The following CA10 variants were observed in gnomAD, a reference collection of about 807,000 sequenced individuals.
CA10 encodes the protein carbonic anhydrase 10 (inactive).
Under a neutral mutation model 44.2 loss-of-function variants are expected in CA10, and 14 were observed. The ratio of observed to expected loss-of-function variants is 0.32; its 90% CI spans 0.21 to 0.50. The LOEUF is 0.50. Among genes scored for constraint, CA10 ranks in the 20% least tolerant of loss-of-function variants. CA10 has a pLI of 0.99. For synonymous variants in CA10, 159 were observed against 141.6 expected (o/e 1.12, Z -0.87); for missense variants, 350 against 409.7 (o/e 0.85, Z 1.26).
chr17:51,845,335 G>A (rs1452046360), intron 3 of CA10, among the ~76,000 whole-genome samples: 1 of 152,176 alleles, frequency 6.6e-6, no homozygotes, highest in Non-Finnish European at 1.5e-5. Context: ...TCCAGTGGAA[G>A]TTGGCTGTCA....
intron 3 of CA10, among the ~76,000 whole-genome samples, chr17:51,811,952 A>G (rs1434819138): frequency 6.6e-6 from 1 of 152,166 alleles, no homozygotes; most frequent in Non-Finnish European, 1.5e-5. Flanking sequence ...AAGTATCTAA[A>G]TCTGAATCCT....
chr17:52,085,939 C>T lies in CA10; in HGVS notation c.62-13546G>A, dbSNP rs182156572. The stretch of plus-strand genomic sequence containing the variant: ...CAAACACTACCTTCTAAAAACCTTC[C>T]GTGGTTTCTCCAGATAAAAGAAAGC... On this transcript the variant is annotated intron_variant, in intron 1 of 8. Transcript: ENST00000451037. 4.0e-3 allele frequency among the ~76,000 whole-genome samples: 604 copies of T among 152,216 alleles called. 2 individuals are homozygous for T. The highest frequency in any genetic ancestry group is 0.014 in the African/African-American group (571 of 41,550).
At chr17:51,683,766 A>C (rs929455298) in intron 4 of CA10, among the ~76,000 whole-genome samples, 4 of 152,182 alleles carry the variant, frequency 2.6e-5, no homozygotes, top group Non-Finnish European at 5.9e-5. Flanking sequence ...AGGCATGTGC[A>C]CATGTGTTCT....
At chr17:52,011,569 A>G (rs1053391440) in intron 2 of CA10, among the ~76,000 whole-genome samples, 1 of 152,080 alleles carries the variant, frequency 6.6e-6, no homozygotes, top group Non-Finnish European at 1.5e-5. Context: ...TGAGAAAAAA[A>G]ATCTACTTTG....
At chr17:51,952,253 G>T (rs565869484) in intron 2 of CA10, among the ~76,000 whole-genome samples, 1 of 152,268 alleles carries the variant, frequency 6.6e-6, no homozygotes, top group South Asian at 2.1e-4. Flanking sequence ...CACACACTGG[G>T]TGGTGAAACA....
chr17:51,966,102 G>T (rs1428187047), intron 2 of CA10, among the ~76,000 whole-genome samples: 1 of 151,760 alleles, frequency 6.6e-6, no homozygotes, highest in Non-Finnish European at 1.5e-5. Flanking sequence ...AATCAAGAAT[G>T]TAATCTAATT....
intron 3 of CA10, among the ~76,000 whole-genome samples, chr17:51,919,783 C>T (rs1397604951): frequency 6.6e-6 from 1 of 152,156 alleles, no homozygotes; most frequent in African/African-American, 2.4e-5. Context: ...TCCCGAGTAG[C>T]TGGGACTACA....
intron 7 of CA10, among the ~76,000 whole-genome samples, chr17:51,634,182 G>A (rs1405726042): frequency 6.6e-6 from 1 of 152,260 alleles, no homozygotes; most frequent in Non-Finnish European, 1.5e-5. Context: ...AGAGAAGAAT[G>A]AAGTGAATGT....
intron 2 of CA10, among the ~76,000 whole-genome samples, chr17:51,965,434 C>A (rs1301358579): frequency 2.0e-5 from 3 of 150,338 alleles, no homozygotes; most frequent in Admixed American, 6.6e-5. Flanking sequence ...AAAAAACCTG[C>A]AGGCCATAGA....
At chr17:51,856,569 C>G (rs538685992) in intron 3 of CA10, among the ~76,000 whole-genome samples, 1 of 152,236 alleles carries the variant, frequency 6.6e-6, no homozygotes, top group East Asian at 1.9e-4. Flanking sequence ...GCATAAACAC[C>G]AAACTTCTGC....
intron 4 of CA10, among the ~76,000 whole-genome samples, chr17:51,685,437 G>A (rs1359086071): frequency 1.3e-5 from 2 of 152,106 alleles, no homozygotes; most frequent in Non-Finnish European, 2.9e-5. Context: ...CCTCTGCAAA[G>A]CTGCCAGGTA....
At chr17:52,019,782 C>T (rs901981450) in intron 2 of CA10, among the ~76,000 whole-genome samples, 1 of 151,958 alleles carries the variant, frequency 6.6e-6, no homozygotes, top group African/African-American at 2.4e-5. Flanking sequence ...GTAATTGCTT[C>T]TTTGATCCAT....
intron 2 of CA10, among the ~76,000 whole-genome samples, chr17:51,970,440 A>G (rs2144068168): frequency 6.6e-6 from 1 of 152,236 alleles, no homozygotes; most frequent in East Asian, 1.9e-4. Context: ...AAAGTCTAAA[A>G]ATCGGAATTA....
intron 1 of CA10, among the ~76,000 whole-genome samples, chr17:52,101,634 T>A (rs1598215164): frequency 1.3e-5 from 2 of 152,148 alleles, no homozygotes; most frequent in Non-Finnish European, 2.9e-5. Flanking sequence ...ATTATAATAT[T>A]TCTTATGTTA....
chr17:51,781,940 G>T (rs1035630563), intron 3 of CA10, among the ~76,000 whole-genome samples: 1 of 152,216 alleles, frequency 6.6e-6, no homozygotes, highest in Admixed American at 6.5e-5. Flanking sequence ...GGGCTCAGAA[G>T]ATTTGCTCCA....
chr17:52,081,691 T>C (rs1253318901), intron 1 of CA10, among the ~76,000 whole-genome samples: 1 of 151,506 alleles, frequency 6.6e-6, no homozygotes, highest in East Asian at 1.9e-4. Flanking sequence ...TCCCAGCTAC[T>C]TGGGAGGCTG....
At chr17:52,081,458 G>A (rs763830896) in intron 1 of CA10, among the ~76,000 whole-genome samples, 20 of 152,278 alleles carry the variant, frequency 1.3e-4, no homozygotes, top group Admixed American at 7.2e-4. Flanking sequence ...GAGAAAGGTG[G>A]TGGTGGCTTC....
chr17:52,076,310 T>C lies in CA10; in HGVS notation c.62-3917A>G, dbSNP rs1987818251. ...AAAAGCTTCTGTTCCATCCAGAAAG[T>C]TGCAAAACACTTTGCTCTTTCTTCA... On this transcript the variant is annotated intron_variant, in intron 1 of 8. Transcript: ENST00000451037. 2.0e-5 allele frequency among the ~76,000 whole-genome samples: 3 copies of C among 152,340 alleles called. No homozygotes were observed. The South Asian group carries it at 6.2e-4, about 32-fold the overall frequency.
At chr17:51,734,360 A>T (rs1346419927) in intron 4 of CA10, among the ~76,000 whole-genome samples, 1 of 152,118 alleles carries the variant, frequency 6.6e-6, no homozygotes, top group Non-Finnish European at 1.5e-5. Flanking sequence ...TCATTTCTGG[A>T]TGAAGGAAAA....
Sources: gnomAD v4.1 joint callset for allele counts (sites outside exome capture counted in the v4.1 genomes callset) on GRCh38, gnomAD v4.1.1 for gene constraint, MANE v1.5 for transcripts, NCBI Gene and HGNC (gene_info 2026-07-23, HGNC 2026-07-21) for gene names.